The following PSPH variants were observed in gnomAD, a reference collection of about 807,000 sequenced individuals.
PSPH encodes the protein phosphoserine phosphatase, also known as L-3-phosphoserine phosphatase.
PSPH carries 16 observed loss-of-function variants against 23.4 expected under a neutral mutation model. The ratio of observed to expected loss-of-function variants is 0.68; its 90% CI spans 0.46 to 1.04. The LOEUF (loss-of-function observed/expected upper bound fraction) is 1.04. Among genes scored for constraint, PSPH ranks in the 50% least tolerant of loss-of-function variants. The pLI is 0.00. For synonymous variants in PSPH, 68 were observed against 99.7 expected (o/e 0.68, Z 1.89); for missense variants, 223 against 273.7 (o/e 0.81, Z 1.31).
chr7:56,043,460 C>T (rs1320111074), intron 1 of PSPH, among the ~76,000 whole-genome samples: 1 of 151,834 alleles, frequency 6.6e-6, no homozygotes, highest in Non-Finnish European at 1.5e-5. Flanking sequence ...CAAGGCTAGC[C>T]TCAGCAACAG....
At chr7:56,016,403 CAA>C (rs1187610566) in intron 6 of PSPH, among the ~76,000 whole-genome samples, 11 of 85,384 alleles carry the variant, frequency 1.3e-4, no homozygotes, top group African/African-American at 2.9e-4. Flanking sequence ...GACCCTGTCT[CAA>C]AAAAAAAAAA....
At chr7:56,027,466 C>G (rs1790364447) in intron 3 of PSPH, among the ~76,000 whole-genome samples, 1 of 151,970 alleles carries the variant, frequency 6.6e-6, no homozygotes, top group African/African-American at 2.4e-5. Flanking sequence ...TGGCTCACGC[C>G]TGTAATCCCA....
At chr7:56,031,259 T>C (rs1584457539) in intron 3 of PSPH, among the ~76,000 whole-genome samples, 2 of 149,158 alleles carry the variant, frequency 1.3e-5, no homozygotes, top group Non-Finnish European at 3.0e-5. Context: ...CAAAAAAAAC[T>C]GAGGACTACA....
intron 1 of PSPH, among the ~76,000 whole-genome samples, chr7:56,037,161 C>A: frequency 7.2e-6 from 1 of 138,670 alleles, no homozygotes; most frequent in Admixed American, 7.5e-5. Flanking sequence ...GTGACAAAGC[C>A]AGACTCTGTC....
chr7:56,036,896 G>A (rs577806586), intron 1 of PSPH, among the ~76,000 whole-genome samples: 37 of 152,130 alleles, frequency 2.4e-4, no homozygotes, highest in East Asian at 1.9e-3. Context: ...TCATCAGGCC[G>A]GGCACAGTGG....
intron 5 of PSPH, 49 bp downstream of exon 5, chr7:56,019,551 C>T (rs780967855): frequency 6.2e-7 from 1 of 1,610,332 alleles, no homozygotes; most frequent in Non-Finnish European, 8.5e-7. Context: ...GGAGGATGTG[C>T]CCCCCAACAC....
chr7:56,017,572 T>C (rs1788736622), intron 5 of PSPH, among the ~76,000 whole-genome samples, 193 bp from the exon 6 acceptor site: 1 of 151,828 alleles, frequency 6.6e-6, no homozygotes, highest in African/African-American at 2.4e-5. Context: ...TTTTTTGAGA[T>C]GGAGTCTCGC....
chr7:56,030,096 C>T (rs1161168107), intron 3 of PSPH, among the ~76,000 whole-genome samples: 1 of 151,620 alleles, frequency 6.6e-6, no homozygotes, highest in Non-Finnish European at 1.5e-5. Context: ...AGCACATGCA[C>T]TTACACTATA....
intron 1 of PSPH, among the ~76,000 whole-genome samples, chr7:56,045,952 C>T (rs1221884976): frequency 1.3e-5 from 2 of 149,948 alleles, no homozygotes; most frequent in South Asian, 2.1e-4. Flanking sequence ...TTATTGCTTA[C>T]AGCACAGCAA....
At chr7:56,022,830 G>A (rs554997505) in intron 3 of PSPH, among the ~76,000 whole-genome samples, 2 of 152,296 alleles carry the variant, frequency 1.3e-5, no homozygotes, top group Middle Eastern at 3.4e-3. Flanking sequence ...AGGCTGAGGC[G>A]GGAGCATCAC....
intron 7 of PSPH, among the ~76,000 whole-genome samples, chr7:56,014,812 G>A (rs1056489640): frequency 1.8e-4 from 28 of 152,014 alleles, no homozygotes; most frequent in African/African-American, 6.0e-4. Context: ...GCATGGTGGC[G>A]TGTGCCTGTA....
intron 1 of PSPH, among the ~76,000 whole-genome samples, chr7:56,044,889 C>A (rs150031088): frequency 9.3e-5 from 13 of 140,258 alleles, no homozygotes; most frequent in Non-Finnish European, 1.5e-4. Context: ...GCCTGACCAA[C>A]ATGGAGAAAC....
chr7:56,016,072 TC>T (rs1461417269), intron 6 of PSPH, among the ~76,000 whole-genome samples: 1 of 152,068 alleles, frequency 6.6e-6, no homozygotes, highest in Middle Eastern at 3.2e-3. Flanking sequence ...ATTCTTGACT[TC>T]TTTTTTCAAT....
At chr7:56,039,761 A>G (rs1303875010) in intron 1 of PSPH, among the ~76,000 whole-genome samples, 3 of 144,686 alleles carry the variant, frequency 2.1e-5, no homozygotes, top group Admixed American at 1.4e-4. Flanking sequence ...GGTGACAGAG[A>G]AAGACTCTGT....
intron 3 of PSPH, among the ~76,000 whole-genome samples, chr7:56,031,224 A>AT (rs1034056072): frequency 1.3e-5 from 2 of 151,730 alleles, no homozygotes; most frequent in Non-Finnish European, 2.9e-5. Flanking sequence ...TCTCAAAAAA[A>AT]AAAAAAACAA....
intron 4 of PSPH, 193 bp from the exon 5 acceptor site, chr7:56,019,927 A>T (rs1789111966): frequency 1.4e-6 from 1 of 731,304 alleles, no homozygotes; most frequent in Non-Finnish European, 2.4e-6. Flanking sequence ...TGAAAATAAC[A>T]TTAACAGGCT....
chr7:56,029,067 G>A (rs939183218), intron 3 of PSPH, among the ~76,000 whole-genome samples: 4 of 151,274 alleles, frequency 2.6e-5, no homozygotes, highest in Admixed American at 2.0e-4. Context: ...CACCTGCCTC[G>A]GCCTCCCAAA....
At chr7:56,013,128 C>CAT (rs990859163) in intron 7 of PSPH, among the ~76,000 whole-genome samples, 34 of 134,544 alleles carry the variant, frequency 2.5e-4, no homozygotes, top group African/African-American at 8.6e-4. Flanking sequence ...TATACACACA[C>CAT]ATATATATAC....
chr7:56,019,625 G>A lies in PSPH; in HGVS notation c.250C>T (p.Pro84Ser), dbSNP rs1172592507. Reference protein sequence around the residue: ...EQVQRLIAEQPPHLTPGIREL... With the variant: ...EQVQRLIAEQSPHLTPGIREL... ...CTTATGCCGGGGGTCAGGTGTGGGG[G>A]TTGCTCTGCTATGAGTCTCTGCACC... Residue 84 changes from proline to serine, a missense_variant, in exon 5 of 8, where the codon CCC becomes TCC. By Grantham distance (74) the Pro-to-Ser change is moderately conservative. Coordinates refer to ENST00000275605, the MANE Select transcript of PSPH (RefSeq NM_004577.4). 5.6e-6 allele frequency: 9 copies of A among 1,613,840 alleles called. No homozygotes were observed. The highest frequency in any genetic ancestry group is 7.6e-6 in the Non-Finnish European group (9 of 1,179,860).
Sources: allele counts gnomAD v4.1 joint callset (sites outside exome capture counted in the v4.1 genomes callset), GRCh38; gene constraint gnomAD v4.1.1; transcripts MANE v1.5; gene names NCBI Gene and HGNC (gene_info 2026-07-23, HGNC 2026-07-21).